The following BBS7 variants were observed in gnomAD, a reference collection of about 807,000 sequenced individuals.
BBS7 encodes Bardet-Biedl syndrome 7.
BBS7 carries 50 observed loss-of-function variants against 90.3 expected under a neutral mutation model. The observed-to-expected ratio is 0.55, with a 90% CI of 0.44 to 0.70. The LOEUF is 0.70. BBS7 is among the 30% of genes least tolerant of loss of function. The pLI, the probability that BBS7 is intolerant of heterozygous loss-of-function variation, is 0.00. For missense variants in BBS7, 729 were observed against 838.9 expected, an observed-to-expected ratio of 0.87 and a Z score of 1.62; for synonymous variants, 235 against 287.4, an observed-to-expected ratio of 0.82 and a Z score of 1.85.
intron 15 of BBS7, among the ~76,000 whole-genome samples, chr4:121,829,647 TC>T (rs1312929592): frequency 6.6e-6 from 1 of 152,194 alleles, no homozygotes; most frequent in Non-Finnish European, 1.5e-5. Context: ...TTCTGGGACT[TC>T]AGGAGGAAGC....
rs768945074 is a variant in BBS7 at position 121,848,862 on chromosome 4, C to T, written c.916G>A (p.Val306Met). ...CVGKDSYDEI[V>M]VSTYSGWVTG... ...ACTTTACCTGAATATGTGGACACCA[C>T]GATTTCATCATAGCTGTCTTTTCCT... Residue 306 changes from valine (V) to methionine (M), a missense_variant, in exon 9 of 19, where the codon GTG (valine) becomes ATG (methionine). Physicochemically the swap from Val to Met is conservative, Grantham distance 21. Transcript: ENST00000264499. 1.2e-6 allele frequency: 2 copies of T among 1,613,630 alleles called. No individual in the cohort carries two copies. Among genetic ancestry groups the T allele is most frequent in the Non-Finnish European group, 1.7e-6 (2 of 1,179,790 alleles).
intron 1 of BBS7, among the ~76,000 whole-genome samples, chr4:121,869,203 C>A (rs967911065): frequency 1.3e-5 from 2 of 152,090 alleles, no homozygotes; most frequent in South Asian, 2.1e-4. Flanking sequence ...ATAGCATAAA[C>A]CCCTAGAAAA....
chr4:121,867,897 A>C, intron 2 of BBS7, 84 bp downstream of exon 2: 1 of 1,186,226 alleles, frequency 8.4e-7, no homozygotes, highest in Non-Finnish European at 1.3e-6. Flanking sequence ...TTTTAAGAGA[A>C]TAACTTAATA....
At chr4:121,861,363 T>C (rs1305115092) in intron 4 of BBS7, 141 bp downstream of exon 4, 1 of 796,516 alleles carries the variant, frequency 1.3e-6, no homozygotes, top group South Asian at 2.0e-5. Flanking sequence ...GTAGGTCAAA[T>C]TTAGTTTCTG....
chr4:121,858,815 A>G, intron 5 of BBS7, 177 bp downstream of exon 5: 1 of 651,614 alleles, frequency 1.5e-6, no homozygotes, highest in Non-Finnish European at 2.5e-6. Flanking sequence ...AAAAACTTAC[A>G]AAACAACACA....
chr4:121,846,669 T>C (rs1578547631), intron 10 of BBS7, among the ~76,000 whole-genome samples: 1 of 152,186 alleles, frequency 6.6e-6, no homozygotes, highest in East Asian at 1.9e-4. Context: ...GGTATACTTG[T>C]TTGCATGAAC....
intron 14 of BBS7, among the ~76,000 whole-genome samples, chr4:121,834,917 A>G (rs1023280667): frequency 2.0e-5 from 3 of 152,194 alleles, no homozygotes; most frequent in African/African-American, 7.2e-5. Flanking sequence ...TAATAATCCC[A>G]GAATAGTAAT....
At chr4:121,840,278 C>T (rs765144569) in intron 12 of BBS7, among the ~76,000 whole-genome samples, 1 of 152,174 alleles carries the variant, frequency 6.6e-6, no homozygotes, top group Non-Finnish European at 1.5e-5. Flanking sequence ...TGCCTTTCAC[C>T]TTCCGCCATG....
intron 18 of BBS7, among the ~76,000 whole-genome samples, chr4:121,826,520 C>G (rs1368174308): frequency 1.3e-5 from 2 of 152,136 alleles, no homozygotes; most frequent in Non-Finnish European, 2.9e-5. Flanking sequence ...ATCCAAAAAG[C>G]TTGATGCAAG....
intron 11 of BBS7, 111 bp downstream of exon 11, chr4:121,845,393 T>TA (rs1211392372): frequency 1.6e-6 from 1 of 612,910 alleles, no homozygotes; most frequent in Non-Finnish European, 2.6e-6. Flanking sequence ...AAAATAAAAA[T>TA]AAAATAAAAT....
chr4:121,870,456 G>T lies in BBS7; in HGVS notation c.-143C>A. ...AGCTACCGCGCCTAGGTCCTGGGCT[G>T]CACAGGCGGGGCGACAGGGCAGTGG... On this transcript the variant is annotated 5_prime_UTR_variant, in exon 1 of 19. Transcript: ENST00000264499. The T allele has an allele frequency of 1.2e-6, 1 of 865,064 alleles. No individual in the cohort carries two copies. Among genetic ancestry groups the T allele is most frequent in the Non-Finnish European group, 1.9e-6 (1 of 525,818 alleles). 53.6% of individuals were successfully genotyped at this position (865,064 alleles called of 1,614,324 possible).
intron 7 of BBS7, 121 bp from the exon 8 acceptor site, chr4:121,853,207 C>G (rs2149077502): frequency 1.0e-6 from 1 of 997,312 alleles, no homozygotes; most frequent in East Asian, 2.6e-5. Context: ...AAAACTTTGA[C>G]CAAAATCAAG....
intron 15 of BBS7, among the ~76,000 whole-genome samples, chr4:121,832,333 A>G (rs896484378): frequency 1.3e-5 from 2 of 152,150 alleles, no homozygotes; most frequent in African/African-American, 4.8e-5. Context: ...AAACAAACAA[A>G]CAAAACAAAC....
At chr4:121,834,773 A>T (rs1725364712) in intron 14 of BBS7, among the ~76,000 whole-genome samples, 1 of 152,158 alleles carries the variant, frequency 6.6e-6, no homozygotes. Context: ...CTTTATCCTG[A>T]GAAGAAATAT....
chr4:121,835,575 G>A (rs1357351040), intron 13 of BBS7, among the ~76,000 whole-genome samples: 1 of 152,056 alleles, frequency 6.6e-6, no homozygotes, highest in Non-Finnish European at 1.5e-5. Context: ...TGACCTAAGT[G>A]GGAAATATTT....
intron 2 of BBS7, among the ~76,000 whole-genome samples, chr4:121,865,436 A>G (rs1477683284): frequency 6.6e-6 from 1 of 151,860 alleles, no homozygotes; most frequent in Non-Finnish European, 1.5e-5. Context: ...ATGGGGTTTC[A>G]CCATGTTGGC....
intron 4 of BBS7, chr4:121,861,169 T>C: frequency 4.8e-6 from 1 of 210,058 alleles, no homozygotes; most frequent in Non-Finnish European, 9.5e-6. Flanking sequence ...TTTAACATAA[T>C]GATGCTACCT....
chr4:121,844,148 A>G, intron 11 of BBS7, 147 bp from the exon 12 acceptor site: 1 of 559,816 alleles, frequency 1.8e-6, no homozygotes, highest in Non-Finnish European at 3.2e-6. Flanking sequence ...TATACTTGAT[A>G]GTATATACTT....
chr4:121,840,188 G>A (rs576128791), intron 12 of BBS7, among the ~76,000 whole-genome samples: 2 of 152,164 alleles, frequency 1.3e-5, no homozygotes, highest in Non-Finnish European at 2.9e-5. Flanking sequence ...TCATGGTAGT[G>A]AATAAGATCT....
Sources: allele counts gnomAD v4.1 joint callset (sites outside exome capture counted in the v4.1 genomes callset), GRCh38; gene constraint gnomAD v4.1.1; transcripts MANE v1.5; gene names NCBI Gene and HGNC (gene_info 2026-07-23, HGNC 2026-07-21).